Variants in ADGRL3 observed in about 807,000 individuals in gnomAD.
The protein encoded by ADGRL3 is calcium-independent alpha-latrotoxin receptor 3.
ADGRL3 carries 62 observed loss-of-function variants against 153.5 expected under a neutral mutation model. The ratio of observed to expected loss-of-function variants is 0.40; its 90% confidence interval spans 0.33 to 0.50. ADGRL3 has a LOEUF of 0.50. Among genes scored for constraint, ADGRL3 ranks in the 20% least tolerant of loss-of-function variants. The probability of loss-of-function intolerance (pLI) is 0.47; values close to 1 mark genes in which losing one functional copy is unlikely to be tolerated. For synonymous variants in ADGRL3, 710 were observed against 672.5 expected, an observed-to-expected ratio of 1.06 and a Z score of -0.86; for missense variants, 1,641 against 1,859.4, an observed-to-expected ratio of 0.88 and a Z score of 2.16.
intron 2 of ADGRL3, among the ~76,000 whole-genome samples, chr4:61,413,596 G>A (rs1041644278): frequency 6.6e-6 from 1 of 152,056 alleles, no homozygotes; most frequent in Non-Finnish European, 1.5e-5. Context: ...GTAGTGCAGT[G>A]TTTATCTAAA....
At chr4:61,460,915 C>G (rs923115155) in intron 2 of ADGRL3, among the ~76,000 whole-genome samples, 1 of 151,918 alleles carries the variant, frequency 6.6e-6, no homozygotes, top group Non-Finnish European at 1.5e-5. Flanking sequence ...ACTAAAAATA[C>G]AAAAATTAGC....
intron 5 of ADGRL3, among the ~76,000 whole-genome samples, chr4:61,651,682 A>G (rs973989942): frequency 1.3e-5 from 2 of 151,450 alleles, no homozygotes; most frequent in African/African-American, 4.9e-5. Context: ...ATCTCGGCTC[A>G]CTGCAACCCC....
At chr4:61,726,498 C>T (rs2096349435) in intron 6 of ADGRL3, among the ~76,000 whole-genome samples, 1 of 152,056 alleles carries the variant, frequency 6.6e-6, no homozygotes, top group South Asian at 2.1e-4. Flanking sequence ...CACGCCCAGC[C>T]TGGAACATTT....
At chr4:61,796,843 A>G (rs2097421027) in intron 8 of ADGRL3, among the ~76,000 whole-genome samples, 1 of 152,242 alleles carries the variant, frequency 6.6e-6, no homozygotes, top group Admixed American at 6.5e-5. Flanking sequence ...AAAAGAAAAC[A>G]AAATACAAAA....
At chr4:61,889,956 C>T (rs2098562064) in intron 9 of ADGRL3, among the ~76,000 whole-genome samples, 1 of 152,122 alleles carries the variant, frequency 6.6e-6, no homozygotes. Flanking sequence ...AGAAAGTATT[C>T]ATCAGTACCT....
chr4:61,961,520 A>G (rs1227012558), intron 17 of ADGRL3, among the ~76,000 whole-genome samples: 1 of 152,208 alleles, frequency 6.6e-6, no homozygotes, highest in South Asian at 2.1e-4. Context: ...GCTTTCTCCC[A>G]TCTACAGTGG....
intron 6 of ADGRL3, among the ~76,000 whole-genome samples, chr4:61,717,807 G>A (rs1387323217): frequency 1.3e-5 from 2 of 152,150 alleles, no homozygotes; most frequent in East Asian, 1.9e-4. Context: ...GCCGAGGCAC[G>A]CAGATCACCT....
intron 2 of ADGRL3, among the ~76,000 whole-genome samples, chr4:61,433,190 A>G (rs2097396989): frequency 6.6e-6 from 1 of 152,128 alleles, no homozygotes. Context: ...TCAGACCATA[A>G]TAGATTGCTT....
intron 2 of ADGRL3, among the ~76,000 whole-genome samples, chr4:61,392,601 G>A (rs139010514): frequency 4.3e-4 from 63 of 146,276 alleles, no homozygotes; most frequent in African/African-American, 1.4e-3. Context: ...CAGGAGAATC[G>A]CTTGAACCCG....
intron 8 of ADGRL3, among the ~76,000 whole-genome samples, chr4:61,787,029 A>ATT (rs1354927122): frequency 6.6e-6 from 1 of 152,166 alleles, no homozygotes; most frequent in Non-Finnish European, 1.5e-5. Flanking sequence ...ATTTGAAACA[A>ATT]AATTAATTAA....
intron 9 of ADGRL3, among the ~76,000 whole-genome samples, chr4:61,879,558 A>G (rs1399635002): frequency 6.6e-6 from 1 of 152,094 alleles, no homozygotes; most frequent in Non-Finnish European, 1.5e-5. Context: ...TCATGTTGGC[A>G]CTTAAAAACT....
intron 9 of ADGRL3, among the ~76,000 whole-genome samples, chr4:61,865,276 C>A (rs570284773): frequency 1.3e-5 from 2 of 151,588 alleles, no homozygotes; most frequent in East Asian, 1.9e-4. Context: ...TAAAAAAATT[C>A]TCTAAATCTA....
chr4:62,031,370 T>C (rs1015233007), intron 22 of ADGRL3, 72 bp from the exon 23 acceptor site: 1 of 1,258,976 alleles, frequency 7.9e-7, no homozygotes, highest in African/African-American at 1.5e-5. Flanking sequence ...CAGTGTCGTA[T>C]TGTTGATCTG....
intron 11 of ADGRL3, 118 bp downstream of exon 11, chr4:61,895,952 A>G: frequency 3.7e-6 from 2 of 534,718 alleles, no homozygotes; most frequent in Non-Finnish European, 6.4e-6. Flanking sequence ...AAAATTTCAC[A>G]TTTAATGACA....
chr4:61,843,029 C>T (rs1467276838), intron 9 of ADGRL3, among the ~76,000 whole-genome samples: 1 of 151,942 alleles, frequency 6.6e-6, no homozygotes, highest in East Asian at 1.9e-4. Flanking sequence ...CTCCTGTATA[C>T]TGGTATTGAG....
chr4:61,207,659 C>T (rs1737936737), intron 1 of ADGRL3, among the ~76,000 whole-genome samples: 3 of 152,146 alleles, frequency 2.0e-5, no homozygotes, highest in African/African-American at 7.2e-5. Context: ...ATTTACACTC[C>T]TACCAACAGT....
rs116066827 is a variant in ADGRL3 at position 61,743,266 on chromosome 4, G to A, written c.1399+9712G>A. ...ACCCAGGAGGCGGAGCTTGCAGTGA[G>A]CAGAGATCAGATCGTGCCACTGCAC... On this transcript the variant is annotated intron_variant, in intron 8 of 26. Transcript: ENST00000683033. Among the ~76,000 whole-genome samples the A allele has an allele frequency of 9.6e-3, 1,389 of 143,972 alleles. 29 individuals are homozygous for A. Among genetic ancestry groups the A allele is most frequent in the African/African-American group, 0.034 (1,313 of 38,960 alleles). The allele number at this position is 143,972 out of a possible 152,430, so 94.5% of individuals were successfully genotyped here. A position where few individuals can be genotyped will look rare whatever the true frequency, so the allele number is the denominator to read the frequency against.
intron 3 of ADGRL3, among the ~76,000 whole-genome samples, chr4:61,505,752 T>A (rs922039086): frequency 6.6e-6 from 1 of 152,050 alleles, no homozygotes; most frequent in South Asian, 2.1e-4. Flanking sequence ...AGTAATCCTA[T>A]AGCTTTGCAT....
At chr4:61,419,414 C>A (rs914919878) in intron 2 of ADGRL3, among the ~76,000 whole-genome samples, 14 of 150,684 alleles carry the variant, frequency 9.3e-5, no homozygotes, top group Admixed American at 2.6e-4. Context: ...GTGGCCAGAG[C>A]CAACCCAGGG....
Sources: allele counts gnomAD v4.1 joint callset (sites outside exome capture counted in the v4.1 genomes callset), GRCh38; gene constraint gnomAD v4.1.1; transcripts MANE v1.5; gene names NCBI Gene and HGNC (gene_info 2026-07-23, HGNC 2026-07-21).